CSMD3: variants seen among roughly 807,000 people sequenced by gnomAD.
The protein encoded by CSMD3 is CUB and sushi domain-containing protein 3.
CSMD3 carries 177 observed loss-of-function variants against 435.2 expected under a neutral mutation model. The ratio of observed to expected loss-of-function variants is 0.41; its 90% confidence interval spans 0.36 to 0.46. The LOEUF (loss-of-function observed/expected upper bound fraction) is 0.46. Ranked by LOEUF, CSMD3 falls within the 20% of genes least tolerant of loss-of-function variation. The pLI, the probability that CSMD3 is intolerant of heterozygous loss-of-function variation, is 0.34. For synonymous variants in CSMD3, 1,656 were observed against 1,520.5 expected (o/e 1.09, Z -2.07); for missense variants, 4,265 against 4,504.6 (o/e 0.95, Z 1.52).
chr8:112,881,064 C>T lies in CSMD3; in HGVS notation c.1634-21798G>A, dbSNP rs11995282. Among the ~76,000 whole-genome samples, 10 of 152,018 alleles carry T rather than the reference C, an allele frequency of 6.6e-5. No homozygotes were observed. In the East Asian group the frequency reaches 1.9e-3, roughly 30 times the overall value. On this transcript the variant is annotated intron_variant, in intron 10 of 70. Coordinates refer to ENST00000297405, the MANE Select transcript of CSMD3 (RefSeq NM_198123.2). The stretch of plus-strand genomic sequence containing the variant: ...TGTATATATTCAGTCACTCATTCAA[C>T]CTACACTATGTATTAAAGAACTATG...
At chr8:112,890,034 T>C (rs1480664461) in intron 10 of CSMD3, among the ~76,000 whole-genome samples, 1 of 151,662 alleles carries the variant, frequency 6.6e-6, no homozygotes, top group Non-Finnish European at 1.5e-5. Flanking sequence ...GAATATAGTT[T>C]TAAGAAAACA....
chr8:112,887,353 TGG>T (rs1266515569), intron 10 of CSMD3, among the ~76,000 whole-genome samples: 1 of 151,210 alleles, frequency 6.6e-6, no homozygotes, highest in East Asian at 2.0e-4. Context: ...TTAACAATTC[TGG>T]TTTACTTTTG....
intron 4 of CSMD3, among the ~76,000 whole-genome samples, chr8:113,123,948 C>T (rs935852766): frequency 6.6e-6 from 1 of 151,880 alleles, no homozygotes. Flanking sequence ...TTTTACCCTG[C>T]CCCCATCCTA....
At chr8:112,684,271 C>T (rs2075965229) in intron 15 of CSMD3, among the ~76,000 whole-genome samples, 1 of 151,998 alleles carries the variant, frequency 6.6e-6, no homozygotes, top group South Asian at 2.1e-4. Flanking sequence ...TTCTATGACA[C>T]ATGTCACCGC....
chr8:112,596,638 T>G (rs980287309), intron 22 of CSMD3, among the ~76,000 whole-genome samples: 25 of 151,658 alleles, frequency 1.6e-4, no homozygotes, highest in Middle Eastern at 3.4e-3. Context: ...TCAGCAAATG[T>G]AAAAGAAAAG....
intron 6 of CSMD3, 126 bp from the exon 7 acceptor site, chr8:112,976,274 C>T: frequency 9.3e-7 from 1 of 1,073,630 alleles, no homozygotes; most frequent in East Asian, 2.6e-5. Flanking sequence ...AGAGGCAAAA[C>T]ACAAACACGC....
chr8:112,504,164 G>A (rs1586542600), intron 29 of CSMD3, among the ~76,000 whole-genome samples, 187 bp from the exon 30 acceptor site: 1 of 151,820 alleles, frequency 6.6e-6, no homozygotes, highest in African/African-American at 2.4e-5. Flanking sequence ...TATCAAATAA[G>A]CAGGGGAAAA....
At chr8:113,331,818 A>G (rs1052259194) in intron 1 of CSMD3, among the ~76,000 whole-genome samples, 2 of 151,892 alleles carry the variant, frequency 1.3e-5, no homozygotes, top group African/African-American at 4.8e-5. Context: ...ACTGACGACC[A>G]CCATCAAATT....
At chr8:112,930,288 A>G (rs1216111033) in intron 9 of CSMD3, among the ~76,000 whole-genome samples, 2 of 152,134 alleles carry the variant, frequency 1.3e-5, no homozygotes, top group Admixed American at 6.6e-5. Flanking sequence ...ACAGCAATAA[A>G]CTAAATAATG....
At chr8:112,508,729 T>C (rs973147867) in intron 28 of CSMD3, among the ~76,000 whole-genome samples, 3 of 152,168 alleles carry the variant, frequency 2.0e-5, no homozygotes, top group South Asian at 2.1e-4. Flanking sequence ...CCTGTTGCAA[T>C]AGTCCCTTCC....
At chr8:113,390,567 G>A (rs897657970) in intron 1 of CSMD3, among the ~76,000 whole-genome samples, 10 of 151,688 alleles carry the variant, frequency 6.6e-5, no homozygotes, top group African/African-American at 2.2e-4. Context: ...TCCTTCAGAA[G>A]TTTTCATGAT....
At chr8:112,243,258 T>A (rs1161745399) in intron 65 of CSMD3, among the ~76,000 whole-genome samples, 4 of 150,952 alleles carry the variant, frequency 2.6e-5, no homozygotes, top group African/African-American at 9.7e-5. Flanking sequence ...GAAAGAAAAA[T>A]AGCAGAGGAA....
intron 7 of CSMD3, 111 bp from the exon 8 acceptor site, chr8:112,954,872 C>G (rs938242181): frequency 2.8e-6 from 2 of 710,186 alleles, no homozygotes; most frequent in African/African-American, 3.6e-5. Flanking sequence ...AAACCACTTT[C>G]TTAAGCCTGA....
At chr8:113,171,286 AT>A (rs1490813602) in intron 4 of CSMD3, among the ~76,000 whole-genome samples, 1 of 152,034 alleles carries the variant, frequency 6.6e-6, no homozygotes, top group Non-Finnish European at 1.5e-5. Context: ...TAAAAAAAAA[AT>A]AGCTTCCAAA....
intron 5 of CSMD3, among the ~76,000 whole-genome samples, chr8:113,034,908 T>C (rs1188587415): frequency 1.3e-5 from 2 of 152,036 alleles, no homozygotes; most frequent in Non-Finnish European, 2.9e-5. Context: ...TTCATGTATA[T>C]TAACATGAAG....
At chr8:112,552,179 A>C (rs1159612514) in intron 26 of CSMD3, among the ~76,000 whole-genome samples, 1 of 152,048 alleles carries the variant, frequency 6.6e-6, no homozygotes, top group African/African-American at 2.4e-5. Context: ...CACTAGGGTA[A>C]TAATTTGCAA....
chr8:112,740,741 G>C (rs2077287573), intron 13 of CSMD3, among the ~76,000 whole-genome samples: 1 of 151,848 alleles, frequency 6.6e-6, no homozygotes, highest in African/African-American at 2.4e-5. Flanking sequence ...ACACGTAACA[G>C]GAGGTCTAGA....
chr8:112,772,106 A>G (rs910275460), intron 13 of CSMD3, among the ~76,000 whole-genome samples: 5 of 152,090 alleles, frequency 3.3e-5, no homozygotes, highest in East Asian at 1.9e-4. Flanking sequence ...AGAAATAAAG[A>G]TAAATTATAA....
At chr8:112,719,174 A>G (rs1310719462) in intron 13 of CSMD3, among the ~76,000 whole-genome samples, 1 of 152,210 alleles carries the variant, frequency 6.6e-6, no homozygotes, top group Non-Finnish European at 1.5e-5. Context: ...GGGTAACAGC[A>G]AGAGAATTAG....
Sources: allele counts gnomAD v4.1 joint callset (sites outside exome capture counted in the v4.1 genomes callset), GRCh38; gene constraint gnomAD v4.1.1; transcripts MANE v1.5; gene names NCBI Gene and HGNC (gene_info 2026-07-23, HGNC 2026-07-21).